DISC1: variants seen among roughly 807,000 people sequenced by gnomAD.
The protein encoded by DISC1 is disrupted in schizophrenia 1 protein.
A neutral mutation model predicts 84.5 loss-of-function variants in DISC1; 57 were observed. The ratio of observed to expected loss-of-function variants is 0.67; its 90% CI spans 0.55 to 0.84. The LOEUF (loss-of-function observed/expected upper bound fraction) is 0.84, where lower values mean the gene tolerates loss of function less well. DISC1 is among the 40% of genes least tolerant of loss of function. The probability of loss-of-function intolerance (pLI) is 0.00; values close to 1 mark genes in which losing one functional copy is unlikely to be tolerated. For missense variants in DISC1, 1,000 were observed against 1,057.8 expected (o/e 0.95, Z 0.76); for synonymous variants, 411 against 415.2 (o/e 0.99, Z 0.12).
chr1:231,670,121 A>C (rs905670568), intron 1 of DISC1, among the ~76,000 whole-genome samples: 2 of 152,148 alleles, frequency 1.3e-5, no homozygotes, highest in African/African-American at 4.8e-5. Context: ...AGAAAACCAA[A>C]CACCGCATGT....
At chr1:231,807,638 T>C (rs748000307) in intron 8 of DISC1, among the ~76,000 whole-genome samples, 4 of 152,210 alleles carry the variant, frequency 2.6e-5, no homozygotes, top group African/African-American at 2.4e-5. Context: ...CTCCTTCTCA[T>C]AGGATCCATC....
chr1:231,864,323 A>C (rs770769764), intron 9 of DISC1, among the ~76,000 whole-genome samples: 3 of 152,160 alleles, frequency 2.0e-5, no homozygotes, highest in Non-Finnish European at 2.9e-5. Flanking sequence ...TAAGAGGCTC[A>C]TAAGCGTTGC....
intron 9 of DISC1, among the ~76,000 whole-genome samples, chr1:231,909,683 T>C (rs1345405060): frequency 5.3e-5 from 8 of 152,238 alleles, no homozygotes; most frequent in Non-Finnish European, 1.0e-4. Context: ...GATGCTGGCC[T>C]CATAAAATGA....
chr1:231,837,223 G>A (rs570059646), intron 9 of DISC1, among the ~76,000 whole-genome samples: 2 of 152,090 alleles, frequency 1.3e-5, no homozygotes, highest in Non-Finnish European at 2.9e-5. Context: ...TTGCAATTGT[G>A]CTTCTCATAA....
intron 9 of DISC1, among the ~76,000 whole-genome samples, chr1:231,898,309 AC>A (rs1462603225): frequency 1.3e-5 from 2 of 152,152 alleles, no homozygotes; most frequent in Admixed American, 6.5e-5. Context: ...TATTCTTGTC[AC>A]TGTTTTCATG....
At chr1:231,873,641 G>C (rs964023000) in intron 9 of DISC1, among the ~76,000 whole-genome samples, 2 of 152,176 alleles carry the variant, frequency 1.3e-5, no homozygotes, top group African/African-American at 4.8e-5. Context: ...AAATGCAGAT[G>C]ACAAATTTCC....
At chr1:231,859,061 C>T (rs562349283) in intron 9 of DISC1, among the ~76,000 whole-genome samples, 15 of 152,328 alleles carry the variant, frequency 9.8e-5, no homozygotes, top group African/African-American at 3.1e-4. Flanking sequence ...GGAGCTGCAT[C>T]TCATCAACCT....
chr1:231,784,155 C>G (rs1211629906), intron 6 of DISC1, among the ~76,000 whole-genome samples: 1 of 151,676 alleles, frequency 6.6e-6, no homozygotes, highest in African/African-American at 2.4e-5. Flanking sequence ...CCCAGCTACT[C>G]AGGAGGCTGA....
intron 10 of DISC1, among the ~76,000 whole-genome samples, chr1:231,992,269 G>A (rs1280541761): frequency 6.6e-6 from 1 of 152,100 alleles, no homozygotes; most frequent in East Asian, 1.9e-4. Flanking sequence ...CTCCGAATCT[G>A]TGCATCTTTA....
chr1:231,685,742 C>T lies in DISC1; in HGVS notation c.68-8084C>T, dbSNP rs144493122. Among the ~76,000 whole-genome samples, 425 of 152,292 alleles carry T rather than the reference C, an allele frequency of 2.8e-3. 6 individuals are homozygous for T. The highest frequency in any genetic ancestry group is 9.8e-3 in the African/African-American group (406 of 41,556). On this transcript the variant is annotated intron_variant, in intron 1 of 12. Transcript: ENST00000439617. ...CTGGGATTACAGGCATAAGCCACCA[C>T]ACCCGGACTGGCAAAAGGCACTTCT...
chr1:231,822,139 A>C lies in DISC1; in HGVS notation c.1981+3622A>C, dbSNP rs141116941. 3.9e-3 allele frequency among the ~76,000 whole-genome samples: 593 copies of C among 152,296 alleles called. 2 individuals carry two copies. The highest frequency in any genetic ancestry group is 0.014 in the Middle Eastern group (4 of 294). On this transcript the variant is annotated intron_variant, in intron 9 of 12. Coordinates refer to ENST00000439617, the MANE Select transcript of DISC1 (RefSeq NM_018662.3). ...CGCACTGTAACTCAGCTATAAAGGAAACCGACGTCAAGGGGAGAGATTTAA... is the reference window on the plus strand; with the variant it reads ...CGCACTGTAACTCAGCTATAAAGGACACCGACGTCAAGGGGAGAGATTTAA...
rs552316105 is a variant in DISC1 at position 231,785,999 on chromosome 1, T to C, written c.1635-9243T>C. 5.3e-5 allele frequency among the ~76,000 whole-genome samples: 8 copies of C among 152,314 alleles called. No individual in the cohort carries two copies. In the East Asian group the frequency reaches 9.6e-4, roughly 18 times the overall value. ...TCTATTTTATATTTCTAATATCTAA[T>C]ATATCTCTATTATCTATTATATTTC... On this transcript the variant is annotated intron_variant, in intron 6 of 12. Transcript: ENST00000439617.
intron 3 of DISC1, among the ~76,000 whole-genome samples, chr1:231,725,969 A>G (rs2070624713): frequency 6.6e-6 from 1 of 152,208 alleles, no homozygotes; most frequent in African/African-American, 2.4e-5. Flanking sequence ...AGCTGAAAGC[A>G]GGGAGCAGAC....
At chr1:231,896,245 A>G (rs994035970) in intron 9 of DISC1, among the ~76,000 whole-genome samples, 5 of 152,130 alleles carry the variant, frequency 3.3e-5, no homozygotes, top group Admixed American at 3.3e-4. Context: ...GGATGCAGTA[A>G]CCTGACATAC....
chr1:231,669,277 A>G (rs1262688311), intron 1 of DISC1, among the ~76,000 whole-genome samples: 1 of 152,236 alleles, frequency 6.6e-6, no homozygotes, highest in African/African-American at 2.4e-5. Context: ...AAACCCTGGA[A>G]GATAACTGAG....
chr1:232,020,396 A>G (rs943993470), intron 11 of DISC1, among the ~76,000 whole-genome samples: 1 of 152,210 alleles, frequency 6.6e-6, no homozygotes, highest in East Asian at 1.9e-4. Context: ...CTTTTCTTGT[A>G]TGTAAAAGAA....
At position 231,801,639 on chromosome 1, in the gene DISC1, G is replaced by A. The variant is rs115379998; in HGVS notation, c.1792+1429G>A. 7.5e-3 allele frequency among the ~76,000 whole-genome samples: 1,138 copies of A among 152,230 alleles called. 15 individuals carry two copies. Among genetic ancestry groups the A allele is most frequent in the African/African-American group, 0.025 (1,058 of 41,548 alleles). ...TGCTCTGTATGCTCTTTGGTGGACCGGCCTTTCAGTCAATGGGCTGTCCCC... is the reference window on the plus strand; with the variant it reads ...TGCTCTGTATGCTCTTTGGTGGACCAGCCTTTCAGTCAATGGGCTGTCCCC... On this transcript the variant is annotated intron_variant, in intron 8 of 12. Transcript: ENST00000439617.
At chr1:231,773,285 C>A (rs2076693754) in intron 6 of DISC1, among the ~76,000 whole-genome samples, 1 of 152,180 alleles carries the variant, frequency 6.6e-6, no homozygotes, top group South Asian at 2.1e-4. Flanking sequence ...TACCTGTATC[C>A]TCTGGTTTGC....
At position 232,036,897 on chromosome 1, in the gene DISC1, C is replaced by A; in HGVS notation, c.*66C>A. On this transcript the variant is annotated 3_prime_UTR_variant, in exon 13 of 13. Transcript: ENST00000439617. ...GGACCCGGGGGGCTGCTCTTCCCTC[C>A]CCCGCCATAGCTAAGATGCCTGAAT... The A allele has an allele frequency of 7.1e-7, 1 of 1,412,614 alleles. No individual in the cohort carries two copies. Among genetic ancestry groups the A allele is most frequent in the Non-Finnish European group, 9.4e-7 (1 of 1,064,330 alleles). 87.5% of individuals were successfully genotyped at this position (1,412,614 alleles called of 1,614,324 possible).
Sources: gnomAD v4.1 joint callset for allele counts (sites outside exome capture counted in the v4.1 genomes callset) on GRCh38, gnomAD v4.1.1 for gene constraint, MANE v1.5 for transcripts, NCBI Gene and HGNC (gene_info 2026-07-23, HGNC 2026-07-21) for gene names.